Variants in CADPS observed in about 807,000 individuals in gnomAD.
The protein encoded by CADPS is calcium dependent secretion activator.
Under a neutral mutation model 167.3 loss-of-function variants are expected in CADPS, and 57 were observed. That is an observed-to-expected ratio of 0.34 (90% CI 0.28 to 0.42). CADPS has a LOEUF of 0.42. Ranked by LOEUF, CADPS falls within the 20% of genes least tolerant of loss-of-function variation. The probability of loss-of-function intolerance (pLI) is 1.00; values close to 1 mark genes in which losing one functional copy is unlikely to be tolerated. For synonymous variants in CADPS, 676 were observed against 635.3 expected, an observed-to-expected ratio of 1.06 and a Z score of -0.96; for missense variants, 1,414 against 1,738.1, an observed-to-expected ratio of 0.81 and a Z score of 3.32.
At position 62,616,792 on chromosome 3, in the gene CADPS, G is replaced by C. The variant is rs143821213; in HGVS notation, c.1326-24044C>G. ...GTCAAAGAGACTCACCAAGGCTGAG[G>C]AAAGTTTTCGTCTAATGCTACAGAT... On this transcript the variant is annotated intron_variant, in intron 6 of 29. Coordinates refer to ENST00000383710, the MANE Select transcript of CADPS (RefSeq NM_003716.4). 3.0e-3 allele frequency among the ~76,000 whole-genome samples: 451 copies of C among 152,204 alleles called. 1 individual carries two copies. Among genetic ancestry groups the C allele is most frequent in the Admixed American group, 5.2e-3 (80 of 15,284 alleles).
intron 24 of CADPS, among the ~76,000 whole-genome samples, chr3:62,471,014 C>T (rs1436425994): frequency 1.3e-5 from 2 of 152,180 alleles, no homozygotes; most frequent in Admixed American, 6.5e-5. Flanking sequence ...AAAAATGTTA[C>T]TGCAAGTCCA....
Position 62,474,170 on chromosome 3 carries a change from T to TTTTTTTTTTTTTTTTTAAA in CADPS, c.3477+2_3477+3insTTTAAAAAAAAAAAAAAAA. On this transcript the variant is annotated splice_region_variant and intron_variant, in intron 24 of 29. Coordinates refer to ENST00000383710, the MANE Select transcript of CADPS (RefSeq NM_003716.4). ...AAATCTGTATTTTTTTTTTTTTTTT[T>TTTTTTTTTTTTTTTTTAAA]ACCTCTTGGCCCATTTCCATGCTGC... 6.8e-7 allele frequency: 1 copy of TTTTTTTTTTTTTTTTTAAA among 1,475,398 alleles called. No homozygotes were observed. Among genetic ancestry groups the TTTTTTTTTTTTTTTTTAAA allele is most frequent in the Non-Finnish European group, 9.0e-7 (1 of 1,105,886 alleles). 91.4% of individuals were successfully genotyped at this position (1,475,398 alleles called of 1,614,324 possible).
intron 17 of CADPS, among the ~76,000 whole-genome samples, chr3:62,501,183 T>C (rs971260215): frequency 6.6e-6 from 1 of 152,188 alleles, no homozygotes; most frequent in Admixed American, 6.5e-5. Context: ...AATAAGTAGA[T>C]GTGGGAGCTT....
chr3:62,847,309 G>T, intron 1 of CADPS, among the ~76,000 whole-genome samples: 1 of 137,380 alleles, frequency 7.3e-6, no homozygotes, highest in East Asian at 2.1e-4. Flanking sequence ...TTAAGTTTTA[G>T]GGTACATGTG....
At chr3:62,725,708 T>G (rs1388009471) in intron 3 of CADPS, among the ~76,000 whole-genome samples, 1 of 151,902 alleles carries the variant, frequency 6.6e-6, no homozygotes, top group South Asian at 2.1e-4. Flanking sequence ...TATGGGAAGC[T>G]CACAAGCAAG....
In CADPS at chr3:62,720,428, C is replaced by T. The variant is rs573913503; in HGVS notation, c.888+33013G>A. Reference sequence around the variant, plus strand: ...ACATTGAACTCCTGGGACTTCTAGCCTCAAGCAATCCTCCCACTTTAGTCT... The same window carrying T: ...ACATTGAACTCCTGGGACTTCTAGCTTCAAGCAATCCTCCCACTTTAGTCT... On this transcript the variant is annotated intron_variant, in intron 3 of 29. Transcript: ENST00000383710. Among the ~76,000 whole-genome samples, 19 of 152,024 alleles carry T rather than the reference C, an allele frequency of 1.2e-4. No homozygotes were observed. The South Asian group carries it at 2.5e-3, about 20-fold the overall frequency.
chr3:62,495,047 C>T (rs2064466516), intron 18 of CADPS, among the ~76,000 whole-genome samples: 1 of 152,150 alleles, frequency 6.6e-6, no homozygotes, highest in Non-Finnish European at 1.5e-5. Context: ...CTTCATCCCT[C>T]ATTGTAATTT....
At chr3:62,795,177 C>T (rs534679848) in intron 1 of CADPS, among the ~76,000 whole-genome samples, 1 of 152,216 alleles carries the variant, frequency 6.6e-6, no homozygotes, top group East Asian at 1.9e-4. Context: ...ACTGCAGGGC[C>T]TTTGCACACA....
At position 62,657,205 on chromosome 3, in the gene CADPS, C is replaced by G. The variant is rs191367003; in HGVS notation, c.969+5109G>C. On this transcript the variant is annotated intron_variant, in intron 4 of 29. Transcript: ENST00000383710. Reference sequence around the variant, plus strand: ...TCAGATAAATATTTGGATATTATTTCTTACTGATATTTGCAATAGGGCCAG... The same window carrying G: ...TCAGATAAATATTTGGATATTATTTGTTACTGATATTTGCAATAGGGCCAG... Among the ~76,000 whole-genome samples, 825 of 152,234 alleles carry G rather than the reference C, an allele frequency of 5.4e-3. 1 individual carries two copies. Among genetic ancestry groups the G allele is most frequent in the Non-Finnish European group, 9.7e-3 (663 of 68,002 alleles).
intron 3 of CADPS, among the ~76,000 whole-genome samples, chr3:62,689,874 G>C (rs533047001): frequency 2.0e-5 from 3 of 151,972 alleles, no homozygotes; most frequent in Admixed American, 1.3e-4. Flanking sequence ...GATGAGGGGG[G>C]GCGGCGTTCT....
chr3:62,697,690 C>T (rs1294486114), intron 3 of CADPS, among the ~76,000 whole-genome samples: 1 of 152,088 alleles, frequency 6.6e-6, no homozygotes, highest in Admixed American at 6.6e-5. Flanking sequence ...ACACTGGCTT[C>T]CGTAGTGGTT....
At position 62,717,517 on chromosome 3, in the gene CADPS, C is replaced by A. The variant is rs145331771; in HGVS notation, c.888+35924G>T. Among the ~76,000 whole-genome samples, 775 of 152,262 alleles carry A rather than the reference C, an allele frequency of 5.1e-3. 5 individuals are homozygous for A. The highest frequency in any genetic ancestry group is 0.01 in the Middle Eastern group (3 of 294). On this transcript the variant is annotated intron_variant, in intron 3 of 29. Transcript: ENST00000383710. ...TTCGAAAATAACACCTACATTCAACCCATTGCTTATATTTAAAAACCTGGG... is the reference window on the plus strand; with the variant it reads ...TTCGAAAATAACACCTACATTCAACACATTGCTTATATTTAAAAACCTGGG...
chr3:62,516,132 T>G lies in CADPS; in HGVS notation c.2508A>C (p.Thr836=). The change falls in exon 16 of 30, where the codon ACA becomes ACC. Residue 836 remains threonine (T), a synonymous_variant. Coordinates refer to ENST00000383710, the MANE Select transcript of CADPS (RefSeq NM_003716.4). ...CCTGTTCCAGACATTTACGGATAAC[T>G]GTTTTTACCTCCTCTTGTGGCACTG... The part of the protein sequence containing the change: ...VTPVPQEEVK[T]VIRKCLEQAA... 6.2e-7 allele frequency: 1 copy of G among 1,613,364 alleles called. No homozygotes were observed. The highest frequency in any genetic ancestry group is 8.5e-7 in the Non-Finnish European group (1 of 1,179,440).
chr3:62,680,594 A>C lies in CADPS; in HGVS notation c.889-18200T>G, dbSNP rs528118246. ...TTCTTCCTTACTTCAGCACCTTGAC[A>C]TGTCTCCCCTGGACTGCTGTGATAG... On this transcript the variant is annotated intron_variant, in intron 3 of 29. Coordinates refer to ENST00000383710, the MANE Select transcript of CADPS (RefSeq NM_003716.4). 2.0e-5 allele frequency among the ~76,000 whole-genome samples: 3 copies of C among 151,986 alleles called. No individual in the cohort carries two copies. In the East Asian group the frequency reaches 5.8e-4, roughly 30 times the overall value.
intron 1 of CADPS, among the ~76,000 whole-genome samples, chr3:62,830,086 G>T (rs1000953949): frequency 2.0e-5 from 3 of 152,134 alleles, no homozygotes; most frequent in African/African-American, 7.2e-5. Context: ...CCTGTGCTTA[G>T]CTCTATGAAG....
chr3:62,651,212 T>C (rs2070037976), intron 4 of CADPS, 132 bp from the exon 5 acceptor site: 2 of 653,526 alleles, frequency 3.1e-6, no homozygotes, highest in Non-Finnish European at 5.2e-6. Context: ...CTCATGGCCT[T>C]GTGCTAGAAA....
At chr3:62,408,236 G>C (rs971411553) in intron 28 of CADPS, among the ~76,000 whole-genome samples, 2 of 152,168 alleles carry the variant, frequency 1.3e-5, no homozygotes, top group African/African-American at 2.4e-5. Flanking sequence ...ATTAGGGTGA[G>C]GGAGTAGGGC....
chr3:62,788,744 C>T (rs1450514050), intron 1 of CADPS, among the ~76,000 whole-genome samples: 1 of 152,152 alleles, frequency 6.6e-6, no homozygotes, highest in Non-Finnish European at 1.5e-5. Flanking sequence ...TCTTGCCCCT[C>T]TTTTTGTACT....
chr3:62,764,636 A>G (rs894154640), intron 2 of CADPS, among the ~76,000 whole-genome samples: 3 of 152,218 alleles, frequency 2.0e-5, no homozygotes, highest in Non-Finnish European at 4.4e-5. Flanking sequence ...GTGCTTTAGC[A>G]AGTGGGAAGA....
Sources: gnomAD v4.1 joint callset for allele counts (sites outside exome capture counted in the v4.1 genomes callset) on GRCh38, gnomAD v4.1.1 for gene constraint, MANE v1.5 for transcripts, NCBI Gene and HGNC (gene_info 2026-07-23, HGNC 2026-07-21) for gene names.